Variants in CADPS observed in about 807,000 individuals in gnomAD.
The protein encoded by CADPS is calcium-dependent secretion activator 1.
A neutral mutation model predicts 167.3 loss-of-function variants in CADPS; 57 were observed. That is an observed-to-expected ratio of 0.34 (90% CI 0.28 to 0.42). The LOEUF (loss-of-function observed/expected upper bound fraction) is 0.42, where lower values mean the gene tolerates loss of function less well. Among genes scored for constraint, CADPS ranks in the 20% least tolerant of loss-of-function variants. CADPS has a pLI of 1.00. For missense variants in CADPS, 1,414 were observed against 1,738.1 expected (o/e 0.81, Z 3.32); for synonymous variants, 676 against 635.3 (o/e 1.06, Z -0.96).
chr3:62,629,816 C>T (rs1441700569), intron 6 of CADPS, among the ~76,000 whole-genome samples: 1 of 147,564 alleles, frequency 6.8e-6, no homozygotes, highest in Non-Finnish European at 1.5e-5. Flanking sequence ...CAAGCTTTTT[C>T]CCATCTTGGG....
intron 7 of CADPS, among the ~76,000 whole-genome samples, chr3:62,588,360 T>C (rs2085144003): frequency 6.6e-6 from 1 of 151,946 alleles, no homozygotes; most frequent in South Asian, 2.1e-4. Flanking sequence ...TGTTTTTATG[T>C]CTGTGTCCCT....
intron 28 of CADPS, among the ~76,000 whole-genome samples, chr3:62,437,322 T>C (rs2055306515): frequency 6.6e-6 from 1 of 150,984 alleles, no homozygotes; most frequent in Non-Finnish European, 1.5e-5. Flanking sequence ...ATAGGCAATT[T>C]GAGACTGAAG....
At chr3:62,499,486 G>A in intron 17 of CADPS, 2 of 377,232 alleles carry the variant, frequency 5.3e-6, no homozygotes, top group Non-Finnish European at 9.8e-6. Flanking sequence ...CAGTGCTCCA[G>A]CTTCAAATTT....
chr3:62,449,432 C>A (rs2057720600), intron 26 of CADPS, among the ~76,000 whole-genome samples: 1 of 152,178 alleles, frequency 6.6e-6, no homozygotes, highest in Admixed American at 6.5e-5. Context: ...ATTGACAGAA[C>A]CAGGATGAGA....
intron 8 of CADPS, among the ~76,000 whole-genome samples, chr3:62,581,708 A>C (rs2083468651): frequency 6.6e-6 from 1 of 152,064 alleles, no homozygotes; most frequent in Admixed American, 6.6e-5. Flanking sequence ...TTGATGGTGG[A>C]TGAGAAAGAA....
chr3:62,660,838 T>C (rs2073030287), intron 4 of CADPS, among the ~76,000 whole-genome samples: 1 of 152,258 alleles, frequency 6.6e-6, no homozygotes, highest in South Asian at 2.1e-4. Flanking sequence ...AAATAGTTTA[T>C]TTTGATTAAC....
chr3:62,812,134 A>T (rs2094421075), intron 1 of CADPS, among the ~76,000 whole-genome samples: 1 of 152,192 alleles, frequency 6.6e-6, no homozygotes, highest in African/African-American at 2.4e-5. Flanking sequence ...CCACTATTAA[A>T]AATATTCAAA....
At chr3:62,642,062 T>C (rs752001330) in intron 6 of CADPS, among the ~76,000 whole-genome samples, 1 of 151,084 alleles carries the variant, frequency 6.6e-6, no homozygotes, top group Non-Finnish European at 1.5e-5. Flanking sequence ...AACATACTCT[T>C]AGACAAATTG....
At chr3:62,645,886 C>A (rs568581910) in intron 5 of CADPS, 43 bp from the exon 6 acceptor site, 2 of 1,609,884 alleles carry the variant, frequency 1.2e-6, no homozygotes, top group African/African-American at 1.3e-5. Context: ...TGGCAAGGCC[C>A]CTGGCAGCAT....
chr3:62,531,386 C>A (rs2073650616), intron 13 of CADPS, among the ~76,000 whole-genome samples: 1 of 152,104 alleles, frequency 6.6e-6, no homozygotes, highest in African/African-American at 2.4e-5. Context: ...ACGTGCTGGG[C>A]TAGCAAACCT....
chr3:62,704,671 T>A lies in CADPS; in HGVS notation c.889-42277A>T, dbSNP rs184282593. Among the ~76,000 whole-genome samples the A allele has an allele frequency of 1.2e-4, 19 of 152,260 alleles. No individual in the cohort carries two copies. The East Asian group carries it at 3.3e-3, about 26-fold the overall frequency. ...GACAAATGCTAGGGATTATTTGGGA[T>A]GGTTTATTCCTCTTGTATAAGGTAA... On this transcript the variant is annotated intron_variant, in intron 3 of 29. Transcript: ENST00000383710.
rs147152275 is a variant in CADPS at position 62,734,288 on chromosome 3, G to A, written c.888+19153C>T. ...GTCTGTGCTGTCCATTTTAGCAGCC[G>A]CAAGTCACATGTGGCTCCTGAGTAG... is the stretch of plus-strand genomic sequence containing the variant. On this transcript the variant is annotated intron_variant, in intron 3 of 29. Transcript: ENST00000383710. Among the ~76,000 whole-genome samples, 426 of 152,230 alleles carry A rather than the reference G, an allele frequency of 2.8e-3. 2 individuals carry two copies. The highest frequency in any genetic ancestry group is 8.9e-3 in the African/African-American group (368 of 41,558).
At chr3:62,623,938 ATTTT>A (rs35833859) in intron 6 of CADPS, among the ~76,000 whole-genome samples, 1 of 144,212 alleles carries the variant, frequency 6.9e-6, no homozygotes, top group African/African-American at 2.6e-5. Context: ...TCTGTTGACA[ATTTT>A]TTTTTTCTGG....
At chr3:62,569,505 G>C (rs1163014668) in intron 9 of CADPS, among the ~76,000 whole-genome samples, 1 of 152,208 alleles carries the variant, frequency 6.6e-6, no homozygotes, top group African/African-American at 2.4e-5. Flanking sequence ...AAGCAAAGAT[G>C]ACCTCTTGCT....
chr3:62,696,591 C>G (rs2080322461), intron 3 of CADPS, among the ~76,000 whole-genome samples: 5 of 152,090 alleles, frequency 3.3e-5, no homozygotes, highest in Admixed American at 3.3e-4. Flanking sequence ...CCCTTTGTTT[C>G]CTCAACTCTA....
At chr3:62,540,751 A>T (rs1290992689) in intron 11 of CADPS, among the ~76,000 whole-genome samples, 1 of 152,140 alleles carries the variant, frequency 6.6e-6, no homozygotes, top group Non-Finnish European at 1.5e-5. Context: ...GCGCTTCCCA[A>T]GCAACACCAT....
intron 26 of CADPS, among the ~76,000 whole-genome samples, chr3:62,451,173 C>A (rs1017794583): frequency 6.6e-6 from 1 of 152,126 alleles, no homozygotes; most frequent in Non-Finnish European, 1.5e-5. Context: ...CGACCCTCCA[C>A]CTCACTTAGC....
chr3:62,850,845 C>T (rs1230028028), intron 1 of CADPS, among the ~76,000 whole-genome samples: 14 of 151,514 alleles, frequency 9.2e-5, no homozygotes, highest in African/African-American at 2.9e-4. Context: ...CTTTCTGTCT[C>T]GTTGATCTGT....
At chr3:62,623,755 A>G (rs982167932) in intron 6 of CADPS, among the ~76,000 whole-genome samples, 5 of 152,156 alleles carry the variant, frequency 3.3e-5, no homozygotes, top group Non-Finnish European at 5.9e-5. Context: ...AACAATGAAC[A>G]TAAATTGTAA....
Sources: gnomAD v4.1 joint callset for allele counts (sites outside exome capture counted in the v4.1 genomes callset) on GRCh38, gnomAD v4.1.1 for gene constraint, MANE v1.5 for transcripts, NCBI Gene and HGNC (gene_info 2026-07-23, HGNC 2026-07-21) for gene names.